The following RYR3 variants were observed in gnomAD, a reference collection of about 807,000 sequenced individuals.
RYR3 encodes ryanodine receptor 3.
Under a neutral mutation model 584.3 loss-of-function variants are expected in RYR3, and 207 were observed. That is an observed-to-expected ratio of 0.35 (90% CI 0.32 to 0.40). The LOEUF (loss-of-function observed/expected upper bound fraction) is 0.40, where lower values mean the gene tolerates loss of function less well. Ranked by LOEUF, RYR3 falls within the 10% of genes least tolerant of loss-of-function variation. RYR3 has a pLI of 1.00. For missense variants in RYR3, 5,616 were observed against 6,089.2 expected, an observed-to-expected ratio of 0.92 and a Z score of 2.59; for synonymous variants, 2,416 against 2,248.5, an observed-to-expected ratio of 1.07 and a Z score of -2.11.
At chr15:33,774,973 C>T (rs988854148) in intron 64 of RYR3, among the ~76,000 whole-genome samples, 13 of 151,816 alleles carry the variant, frequency 8.6e-5, no homozygotes, top group Non-Finnish European at 1.3e-4. Context: ...TATACATTCA[C>T]TCATATGTCT....
In RYR3 at chr15:33,609,919, T is replaced by A. The variant is rs570184979; in HGVS notation, c.2165-3264T>A. Among the ~76,000 whole-genome samples, 4 of 152,280 alleles carry A rather than the reference T, an allele frequency of 2.6e-5. No homozygotes were observed. The South Asian group carries it at 8.3e-4, about 32-fold the overall frequency. ...TGTGAAAGATGTCAAACCTACACAC[T>A]CTTCAACTTTGGTTCAGTTTTGTTT... On this transcript the variant is annotated intron_variant, in intron 18 of 103. Transcript: ENST00000634891.
intron 38 of RYR3, among the ~76,000 whole-genome samples, chr15:33,676,560 T>C (rs1474352812): frequency 6.6e-6 from 1 of 152,192 alleles, no homozygotes; most frequent in Non-Finnish European, 1.5e-5. Flanking sequence ...TGAGAGATGG[T>C]CAAGTGCATA....
intron 31 of RYR3, among the ~76,000 whole-genome samples, chr15:33,652,351 T>C (rs1202893060): frequency 6.6e-6 from 1 of 152,156 alleles, no homozygotes; most frequent in East Asian, 1.9e-4. Context: ...CCCATATAAG[T>C]TTGCCGAAGG....
At chr15:33,391,108 T>C (rs1595943710) in intron 1 of RYR3, among the ~76,000 whole-genome samples, 1 of 152,000 alleles carries the variant, frequency 6.6e-6, no homozygotes, top group Non-Finnish European at 1.5e-5. Flanking sequence ...CAGTAAGAAA[T>C]ATGTTAGTCC....
intron 1 of RYR3, among the ~76,000 whole-genome samples, chr15:33,438,523 C>A (rs1480653824): frequency 1.3e-5 from 2 of 152,038 alleles, no homozygotes; most frequent in African/African-American, 4.8e-5. Context: ...TCCTATTATT[C>A]TTTTTTCTTC....
At chr15:33,863,400 C>T (rs1005056722) in intron 102 of RYR3, among the ~76,000 whole-genome samples, 1 of 152,186 alleles carries the variant, frequency 6.6e-6, no homozygotes, top group Admixed American at 6.5e-5. Context: ...TGACAGAACT[C>T]AAGATCTGGG....
At chr15:33,848,218 G>A in intron 93 of RYR3, 73 bp from the exon 94 acceptor site, 1 of 1,586,658 alleles carries the variant, frequency 6.3e-7, no homozygotes, top group Non-Finnish European at 8.6e-7. Context: ...AGGTTAATTT[G>A]TGACAAATAC....
rs117513859 is a variant in RYR3 at position 33,770,716 on chromosome 15, C to T, written c.8817-1204C>T. Among the ~76,000 whole-genome samples the T allele has an allele frequency of 6.1e-4, 93 of 151,870 alleles. 1 individual carries two copies. The East Asian group carries it at 0.017, about 28-fold the overall frequency. ...GGTCACTGCACTCCAGCCTATGCAACGGAGTGAGACCCCATCTCAAAAAAA... is the reference window on the plus strand; with the variant it reads ...GGTCACTGCACTCCAGCCTATGCAATGGAGTGAGACCCCATCTCAAAAAAA... On this transcript the variant is annotated intron_variant, in intron 62 of 103. Transcript: ENST00000634891.
intron 69 of RYR3, among the ~76,000 whole-genome samples, chr15:33,805,675 C>T (rs1043904458): frequency 1.3e-5 from 2 of 151,602 alleles, no homozygotes; most frequent in South Asian, 2.1e-4. Flanking sequence ...GACAGGGTTT[C>T]ACTGTGTTAG....
chr15:33,638,986 A>G (rs2061652103), intron 27 of RYR3, among the ~76,000 whole-genome samples: 1 of 152,206 alleles, frequency 6.6e-6, no homozygotes, highest in African/African-American at 2.4e-5. Context: ...GGTGCAGATT[A>G]TAGGCTCAAA....
At chr15:33,566,299 T>C (rs1248836846) in intron 11 of RYR3, among the ~76,000 whole-genome samples, 1 of 152,230 alleles carries the variant, frequency 6.6e-6, no homozygotes, top group Non-Finnish European at 1.5e-5. Context: ...AATTCATCTC[T>C]GGAGGAAAAG....
rs750129991 is a variant in RYR3 at position 33,800,857 on chromosome 15, T to G, written c.9918T>G (p.His3306Gln). ...TCTTCATTCTGTGGTGTAAATCTCA[T>G]GTAAGAACACATTTGGGCCCTGGGT... is the stretch of plus-strand genomic sequence containing the variant. ...AEVFILWCKS[H>Q]NFKREEQNFV... is the part of the protein sequence containing the mutation. The change falls in exon 68 of 104, where the codon CAT (histidine) becomes CAG (glutamine). Residue 3306 changes from histidine (H) to glutamine (Q), a missense_variant and splice_region_variant. His to Gln is a conservative substitution (Grantham distance 24). Transcript: ENST00000634891. 1.2e-6 allele frequency: 2 copies of G among 1,605,996 alleles called. No individual in the cohort carries two copies. Among genetic ancestry groups the G allele is most frequent in the Non-Finnish European group, 1.7e-6 (2 of 1,172,616 alleles).
At chr15:33,425,600 C>T (rs1421504253) in intron 1 of RYR3, among the ~76,000 whole-genome samples, 2 of 150,646 alleles carry the variant, frequency 1.3e-5, no homozygotes, top group Non-Finnish European at 2.9e-5. Context: ...TTTCTGACAC[C>T]ATTTGGTCTG....
In RYR3 at chr15:33,865,261, T is replaced by TCAACTTC. The variant is rs754607823; in HGVS notation, c.*37_*43dup. 5 of 1,471,038 alleles carry TCAACTTC rather than the reference T, an allele frequency of 3.4e-6. No homozygotes were observed. The South Asian group carries it at 5.8e-5, about 17-fold the overall frequency. 91.1% of individuals were successfully genotyped at this position (1,471,038 alleles called of 1,614,324 possible). ...AAAGAAGCGCGACAATTCTGGACAG[T>TCAACTTC]CAACTTCCCATGAAATAAAGTCCCC... On this transcript the variant is annotated 3_prime_UTR_variant, in exon 104 of 104. Transcript: ENST00000634891.
chr15:33,738,832 G>T (rs1479281486), intron 50 of RYR3, among the ~76,000 whole-genome samples: 1 of 152,166 alleles, frequency 6.6e-6, no homozygotes, highest in Non-Finnish European at 1.5e-5. Context: ...GCTGTACGAG[G>T]GAAAGTGACT....
intron 3 of RYR3, among the ~76,000 whole-genome samples, chr15:33,527,048 A>T (rs568823042): frequency 2.0e-5 from 3 of 152,050 alleles, no homozygotes; most frequent in East Asian, 3.9e-4. Flanking sequence ...ACAGAGGAAA[A>T]CCAGTATGAT....
chr15:33,319,462 C>T (rs1209747850), intron 1 of RYR3, among the ~76,000 whole-genome samples: 1 of 152,260 alleles, frequency 6.6e-6, no homozygotes, highest in Non-Finnish European at 1.5e-5. Context: ...AAGTAATCCT[C>T]TCTTCTGTCC....
intron 3 of RYR3, among the ~76,000 whole-genome samples, chr15:33,517,937 C>T (rs2053657388): frequency 6.6e-6 from 1 of 152,132 alleles, no homozygotes; most frequent in Admixed American, 6.5e-5. Flanking sequence ...GAACATGGCA[C>T]TTATGGAACA....
At chr15:33,597,611 T>G (rs2164248) in intron 16 of RYR3, among the ~76,000 whole-genome samples, 66,033 of 147,002 alleles carry the variant, frequency 0.45, 15,328 homozygotes, top group East Asian at 0.79. Flanking sequence ...AGTGTGAGAC[T>G]CTGTCTCAAA....
Sources: gnomAD v4.1 joint callset for allele counts (sites outside exome capture counted in the v4.1 genomes callset) on GRCh38, gnomAD v4.1.1 for gene constraint, MANE v1.5 for transcripts, NCBI Gene and HGNC (gene_info 2026-07-23, HGNC 2026-07-21) for gene names.